KCNQ1: variants seen among roughly 807,000 people sequenced by gnomAD.
KCNQ1 encodes the protein potassium voltage-gated channel subfamily Q member 1.
KCNQ1 carries 49 observed loss-of-function variants against 72.4 expected under a neutral mutation model. That is an observed-to-expected ratio of 0.68 (90% confidence interval 0.54 to 0.86). The LOEUF (loss-of-function observed/expected upper bound fraction) is 0.86, where lower values mean the gene tolerates loss of function less well. Among genes scored for constraint, KCNQ1 ranks in the 40% least tolerant of loss-of-function variants. The probability of loss-of-function intolerance (pLI) is 0.00; values close to 1 mark genes in which losing one functional copy is unlikely to be tolerated. For missense variants in KCNQ1, 790 were observed against 945.1 expected, an observed-to-expected ratio of 0.84 and a Z score of 2.15; for synonymous variants, 450 against 412.6, an observed-to-expected ratio of 1.09 and a Z score of -1.10.
At position 2,679,111 on chromosome 11, in the gene KCNQ1, T is replaced by C. The variant is rs1446976546; in HGVS notation, c.1514+17030T>C. ...CATAGCTAGAGCTAGAGTGCTGTTA[T>C]AAGCTGTGCAGGCCAAAATGGTTTC... On this transcript the variant is annotated intron_variant, in intron 11 of 15. Coordinates refer to ENST00000155840, the MANE Select transcript of KCNQ1 (RefSeq NM_000218.3). This position sits in a 1 kb window ranked among gnomAD's most constrained non-coding sequence, Gnocchi z 4.8. 1 of 398,532 alleles carries C rather than the reference T, an allele frequency of 2.5e-6. No individual in the cohort carries two copies. The highest frequency in any genetic ancestry group is 4.4e-6 in the Non-Finnish European group (1 of 226,066). 24.7% of individuals were successfully genotyped at this position (398,532 alleles called of 1,614,324 possible). A position where few individuals can be genotyped will look rare whatever the true frequency, so the allele number is the denominator to read the frequency against.
chr11:2,691,534 G>A lies in KCNQ1; in HGVS notation c.1514+29453G>A, dbSNP rs1383713741. The A allele has an allele frequency of 5.0e-6, 2 of 398,424 alleles. No individual in the cohort carries two copies. The highest frequency in any genetic ancestry group is 8.8e-6 in the Non-Finnish European group (2 of 226,074). The allele number at this position is 398,424 out of a possible 1,614,324, so 24.7% of individuals were successfully genotyped here. ...TTGCTTGGCTTTGCATTAAAGTTGG[G>A]GGGATTTCTCTATCCTGAGGTTATG... On this transcript the variant is annotated intron_variant, in intron 11 of 15. Coordinates refer to ENST00000155840, the MANE Select transcript of KCNQ1 (RefSeq NM_000218.3). The surrounding 1 kb of genome is among the most constrained non-coding windows in gnomAD (Gnocchi z 6.4).
At chr11:2,619,490 A>G (rs7945093) in intron 10 of KCNQ1, 317,853 of 398,456 alleles carry the variant, frequency 0.8, 127,724 homozygotes, top group East Asian at 0.99. Flanking sequence ...TATATTAAAT[A>G]AGATTTGCAT....
intron 10 of KCNQ1, chr11:2,650,042 A>G (rs1286402692): frequency 2.5e-6 from 1 of 398,262 alleles, no homozygotes; most frequent in African/African-American, 2.1e-5. Flanking sequence ...TCAAATTTAG[A>G]AATTATTTCT....
At position 2,785,376 on chromosome 11, in the gene KCNQ1, G is replaced by A. The variant is rs954334751; in HGVS notation, c.1794+7339G>A. On this transcript the variant is annotated intron_variant, in intron 15 of 15. Coordinates refer to ENST00000155840, the MANE Select transcript of KCNQ1 (RefSeq NM_000218.3). This position sits in a 1 kb window ranked among gnomAD's most constrained non-coding sequence, Gnocchi z 4.4. ...ATATAATCCTTTTTATATGATGCTG[G>A]ATTTGGTTTGCTAATATTTTGTTAA... 6.6e-6 allele frequency among the ~76,000 whole-genome samples: 1 copy of A among 151,496 alleles called. No homozygotes were observed. The highest frequency in any genetic ancestry group is 2.4e-5 in the African/African-American group (1 of 41,304).
chr11:2,847,792 C>A lies in KCNQ1; in HGVS notation c.1820C>A (p.Ala607Glu). ...GTGACGCAGCTGGACCAGAGGCTGGCACTCATCACCGACATGCTTCACCAG... is the reference window on the plus strand; with the variant it reads ...GTGACGCAGCTGGACCAGAGGCTGGAACTCATCACCGACATGCTTCACCAG... ...DKVTQLDQRL[A>E]LITDMLHQLL... The change falls in exon 16 of 16, where the codon GCA becomes GAA. Residue 607 changes from alanine to glutamate, a missense_variant. By Grantham distance (107) the Ala-to-Glu change is moderately radical (BLOSUM62 -1). This residue lies in a region of KCNQ1 where 91 missense variants were observed against 139.1 expected (regional missense o/e 0.65). Transcript: ENST00000155840. 6.4e-7 allele frequency: 1 copy of A among 1,572,220 alleles called. No homozygotes were observed. Among genetic ancestry groups the A allele is most frequent in the Non-Finnish European group, 8.6e-7 (1 of 1,158,412 alleles).
chr11:2,832,290 G>A (rs946019750), intron 15 of KCNQ1, among the ~76,000 whole-genome samples: 12 of 152,214 alleles, frequency 7.9e-5, no homozygotes, highest in Non-Finnish European at 1.5e-4. Context: ...CCAGAGGGCT[G>A]AACTAGATGA....
chr11:2,780,024 C>A (rs1846793482), intron 15 of KCNQ1, among the ~76,000 whole-genome samples: 1 of 152,242 alleles, frequency 6.6e-6, no homozygotes, highest in Non-Finnish European at 1.5e-5. Flanking sequence ...ATTCTGCATG[C>A]ACAGCCCTGG....
In KCNQ1 at chr11:2,723,946, C is replaced by G. The variant is rs898924629; in HGVS notation, c.1515-44898C>G. On this transcript the variant is annotated intron_variant, in intron 11 of 15. Coordinates refer to ENST00000155840, the MANE Select transcript of KCNQ1 (RefSeq NM_000218.3). This position sits in a 1 kb window ranked among gnomAD's most constrained non-coding sequence, Gnocchi z 4.2. ...GGGGCATCTCAGCCTTTGTATCTGC[C>G]GTGGGCGTGGAGGCATTTACTCTTT... is the stretch of plus-strand genomic sequence containing the variant. Among the ~76,000 whole-genome samples, 1 of 152,118 alleles carries G rather than the reference C, an allele frequency of 6.6e-6. No homozygotes were observed. The highest frequency in any genetic ancestry group is 1.5e-5 in the Non-Finnish European group (1 of 68,034).
At chr11:2,807,730 C>T (rs1324209944) in intron 15 of KCNQ1, among the ~76,000 whole-genome samples, 2 of 151,556 alleles carry the variant, frequency 1.3e-5, no homozygotes, top group Non-Finnish European at 2.9e-5. Context: ...CTGCCTTTCC[C>T]GCACTCTCCT....
Position 2,691,021 on chromosome 11 carries a change from C to G in KCNQ1, c.1514+28940C>G, listed in dbSNP as rs1031292995. The G allele has an allele frequency of 1.0e-5, 4 of 398,544 alleles. No homozygotes were observed. Among genetic ancestry groups the G allele is most frequent in the African/African-American group, 6.2e-5 (3 of 48,636 alleles). 24.7% of individuals were successfully genotyped at this position (398,544 alleles called of 1,614,324 possible). A position where few individuals can be genotyped will look rare whatever the true frequency, so the allele number is the denominator to read the frequency against. On this transcript the variant is annotated intron_variant, in intron 11 of 15. Coordinates refer to ENST00000155840, the MANE Select transcript of KCNQ1 (RefSeq NM_000218.3). The surrounding 1 kb of genome is among the most constrained non-coding windows in gnomAD (Gnocchi z 6.4). ...AGTGGGCAAAAGCTCTGGGTGAACT[C>G]TTGGCTCAGGTATCAGGATATGCTG...
At chr11:2,797,819 A>T (rs573700247) in intron 15 of KCNQ1, among the ~76,000 whole-genome samples, 11 of 151,954 alleles carry the variant, frequency 7.2e-5, no homozygotes, top group Admixed American at 1.3e-4. Flanking sequence ...ACCCAGCTTG[A>T]GTGTCCCATC....
rs1846218989 is a variant in KCNQ1 at position 2,457,828 on chromosome 11, A to C, written c.386+12344A>C. On this transcript the variant is annotated intron_variant, in intron 1 of 15. Transcript: ENST00000155840. The surrounding 1 kb of genome is among the most constrained non-coding windows in gnomAD (Gnocchi z 5.0). ...TTGGCATGGGAGAAAAAAAAAAAAA[A>C]CAGATGTAAGTTAGAAGAGGTTACG... Among the ~76,000 whole-genome samples the C allele has an allele frequency of 6.6e-6, 1 of 151,958 alleles. No homozygotes were observed. Among genetic ancestry groups the C allele is most frequent in the Non-Finnish European group, 1.5e-5 (1 of 67,976 alleles).
intron 11 of KCNQ1, chr11:2,681,715 T>A (rs930215709): frequency 1.0e-5 from 4 of 391,338 alleles, no homozygotes; most frequent in African/African-American, 8.5e-5. Flanking sequence ...TGTCTGTTCC[T>A]CTATTCAGTA....
rs116963322 is a variant in KCNQ1, at chr11:2,471,000, T to C, written c.386+25516T>C. Reference sequence around the variant, plus strand: ...GAGGTGGATATTCCTTTTGAGTTAATGTCTGACCAGCTGGGAGGTGTCGGT... The same window carrying C: ...GAGGTGGATATTCCTTTTGAGTTAACGTCTGACCAGCTGGGAGGTGTCGGT... On this transcript the variant is annotated intron_variant, in intron 1 of 15. Coordinates refer to ENST00000155840, the MANE Select transcript of KCNQ1 (RefSeq NM_000218.3). 4.6e-4 allele frequency among the ~76,000 whole-genome samples: 70 copies of C among 152,246 alleles called. 1 individual carries two copies. In the East Asian group the frequency reaches 0.012, roughly 27 times the overall value.
chr11:2,451,928 T>G lies in KCNQ1; in HGVS notation c.386+6444T>G, dbSNP rs1264235368. On this transcript the variant is annotated intron_variant, in intron 1 of 15. Coordinates refer to ENST00000155840, the MANE Select transcript of KCNQ1 (RefSeq NM_000218.3). The surrounding 1 kb of genome is among the most constrained non-coding windows in gnomAD (Gnocchi z 6.4). The stretch of plus-strand genomic sequence containing the variant: ...TGTGGTCTCAAGTGAGGTGGTGCAC[T>G]ATTCCTGGCCTCAGGCCCAGTTTGT... Among the ~76,000 whole-genome samples the G allele has an allele frequency of 2.0e-5, 3 of 152,198 alleles. No individual in the cohort carries two copies. Among genetic ancestry groups the G allele is most frequent in the Admixed American group, 2.0e-4 (3 of 15,282 alleles).
chr11:2,576,104 G>A (rs867652822), intron 6 of KCNQ1, among the ~76,000 whole-genome samples: 3 of 152,234 alleles, frequency 2.0e-5, no homozygotes, highest in African/African-American at 4.8e-5. Context: ...AATCTTCAAA[G>A]AGCCTATTTC....
chr11:2,520,243 G>C (rs1034655245), intron 1 of KCNQ1, among the ~76,000 whole-genome samples: 4 of 152,258 alleles, frequency 2.6e-5, no homozygotes, highest in African/African-American at 9.6e-5. Context: ...CCTGGGACCA[G>C]ACGTGCCTCA....
Position 2,564,715 on chromosome 11 carries a change from T to C in KCNQ1, c.478-5913T>C, listed in dbSNP as rs1195940632. The stretch of plus-strand genomic sequence containing the variant: ...TTTCATCTTGCAAAACTGATGAAAG[T>C]CTGTCCCCATTAAACACTCACTCCC... On this transcript the variant is annotated intron_variant, in intron 2 of 15. Coordinates refer to ENST00000155840, the MANE Select transcript of KCNQ1 (RefSeq NM_000218.3). The surrounding 1 kb of genome is among the most constrained non-coding windows in gnomAD (Gnocchi z 4.5). 6.6e-6 allele frequency among the ~76,000 whole-genome samples: 1 copy of C among 152,236 alleles called. No individual in the cohort carries two copies. The highest frequency in any genetic ancestry group is 1.5e-5 in the Non-Finnish European group (1 of 68,044).
intron 2 of KCNQ1, among the ~76,000 whole-genome samples, chr11:2,548,263 G>C (rs1321686556): frequency 6.6e-6 from 1 of 152,182 alleles, no homozygotes; most frequent in African/African-American, 2.4e-5. Context: ...AAAGATGGTG[G>C]CTTCGTCCAG....
Sources: gnomAD v4.1 joint callset for allele counts (sites outside exome capture counted in the v4.1 genomes callset) on GRCh38, gnomAD v4.1.1 for gene constraint, gnomAD v4.1.1 regional missense constraint, Gnocchi (gnomAD v3.1) non-coding constraint, MANE v1.5 for transcripts, NCBI Gene and HGNC (gene_info 2026-07-23, HGNC 2026-07-21) for gene names.